C1orf21: variants seen among roughly 807,000 people sequenced by gnomAD.
The protein encoded by C1orf21 is chromosome 1 open reading frame 21, also known as uncharacterized protein C1orf21.
Under a neutral mutation model 18.7 loss-of-function variants are expected in C1orf21, and 3 were observed. That is an observed-to-expected ratio of 0.16 (90% CI 0.07 to 0.42). The LOEUF is 0.42. C1orf21 is among the 10% of genes least tolerant of loss of function. The probability of loss-of-function intolerance (pLI) is 0.99; values close to 1 mark genes in which losing one functional copy is unlikely to be tolerated. For missense variants in C1orf21, 104 were observed against 143.6 expected (o/e 0.72, Z 1.41); for synonymous variants, 41 against 46.4 (o/e 0.88, Z 0.47).
chr1:184,545,610 C>T (rs1658717352), intron 3 of C1orf21, among the ~76,000 whole-genome samples: 1 of 152,074 alleles, frequency 6.6e-6, no homozygotes, highest in African/African-American at 2.4e-5. Context: ...CGGGCCATAA[C>T]TACTCCTATG....
At chr1:184,490,824 G>A (rs1295198608) in intron 2 of C1orf21, among the ~76,000 whole-genome samples, 3 of 151,914 alleles carry the variant, frequency 2.0e-5, no homozygotes, top group African/African-American at 7.3e-5. Context: ...TTACCAGGAA[G>A]GGTTAGTAAT....
rs76936480 is a variant in C1orf21, at chr1:184,596,082, G to A, written c.267-2319G>A. 6.3e-3 allele frequency among the ~76,000 whole-genome samples: 963 copies of A among 152,316 alleles called. 6 individuals are homozygous for A. Among genetic ancestry groups the A allele is most frequent in the South Asian group, 0.011 (52 of 4,826 alleles). On this transcript the variant is annotated intron_variant, in intron 4 of 5. Transcript: ENST00000235307. ...CCGACCCTGTGATAAGTGCATTCTT[G>A]ATCGCAGAGGTTGCAGATACATTTG...
At chr1:184,519,144 G>C (rs1217696081) in intron 3 of C1orf21, among the ~76,000 whole-genome samples, 1 of 152,208 alleles carries the variant, frequency 6.6e-6, no homozygotes, top group East Asian at 1.9e-4. Flanking sequence ...CTAATTTAAA[G>C]ATTGGGGTGT....
At chr1:184,534,830 A>G (rs1173961668) in intron 3 of C1orf21, among the ~76,000 whole-genome samples, 1 of 152,052 alleles carries the variant, frequency 6.6e-6, no homozygotes, top group Non-Finnish European at 1.5e-5. Flanking sequence ...TGGGAGTAGG[A>G]GAGAGGGCAG....
At chr1:184,488,086 T>C (rs1657758501) in intron 2 of C1orf21, among the ~76,000 whole-genome samples, 1 of 152,222 alleles carries the variant, frequency 6.6e-6, no homozygotes, top group Non-Finnish European at 1.5e-5. Flanking sequence ...TCTCTAAACT[T>C]AAAAGATGAT....
intron 1 of C1orf21, among the ~76,000 whole-genome samples, chr1:184,428,443 G>A (rs937049413): frequency 1.3e-5 from 2 of 152,220 alleles, no homozygotes; most frequent in Non-Finnish European, 2.9e-5. Flanking sequence ...TGGTCTACCA[G>A]GTAATTTGCA....
At chr1:184,464,594 C>T (rs777836428) in intron 1 of C1orf21, among the ~76,000 whole-genome samples, 2 of 152,152 alleles carry the variant, frequency 1.3e-5, no homozygotes, top group Non-Finnish European at 2.9e-5. Context: ...GCCCTCAAAG[C>T]GCTTAGTATC....
chr1:184,392,661 C>A (rs1267259342), intron 1 of C1orf21, among the ~76,000 whole-genome samples: 2 of 152,136 alleles, frequency 1.3e-5, no homozygotes, highest in African/African-American at 2.4e-5. Flanking sequence ...CTCAGGCTCC[C>A]AGCATCCAGT....
intron 5 of C1orf21, among the ~76,000 whole-genome samples, chr1:184,602,504 C>G (rs1320464719): frequency 1.3e-5 from 2 of 152,160 alleles, no homozygotes. Context: ...ACTATTGTAA[C>G]TCATGATTCA....
chr1:184,515,429 T>G (rs1337009693), intron 3 of C1orf21, among the ~76,000 whole-genome samples: 1 of 152,210 alleles, frequency 6.6e-6, no homozygotes, highest in Non-Finnish European at 1.5e-5. Flanking sequence ...TGAAGTCTGA[T>G]TAACAGATTA....
intron 1 of C1orf21, among the ~76,000 whole-genome samples, chr1:184,416,007 T>C (rs1341354675): frequency 8.2e-6 from 1 of 122,612 alleles, no homozygotes; most frequent in Non-Finnish European, 1.6e-5. Context: ...TGAAAACAAT[T>C]TGGATAACAT....
chr1:184,577,941 TG>T (rs1484132505), intron 3 of C1orf21, among the ~76,000 whole-genome samples: 22 of 131,522 alleles, frequency 1.7e-4, no homozygotes, highest in African/African-American at 6.8e-4. Flanking sequence ...GTTTGTTTTT[TG>T]TTTTGTTTTT....
intron 3 of C1orf21, among the ~76,000 whole-genome samples, chr1:184,527,883 TA>T (rs1171368150): frequency 6.6e-6 from 1 of 152,204 alleles, no homozygotes; most frequent in African/African-American, 2.4e-5. Context: ...AAACACTTAA[TA>T]AATGTTAGCA....
At chr1:184,408,131 A>G (rs1230722990) in intron 1 of C1orf21, among the ~76,000 whole-genome samples, 1 of 152,252 alleles carries the variant, frequency 6.6e-6, no homozygotes, top group Non-Finnish European at 1.5e-5. Context: ...TGGAGAATTA[A>G]TAACTCAATA....
intron 3 of C1orf21, among the ~76,000 whole-genome samples, chr1:184,524,365 A>C (rs1241893673): frequency 6.6e-6 from 1 of 152,188 alleles, no homozygotes. Flanking sequence ...AAACTATAAG[A>C]CTGGGTACCT....
At chr1:184,591,004 T>G (rs998810687) in intron 4 of C1orf21, among the ~76,000 whole-genome samples, 189 bp downstream of exon 4, 1 of 152,190 alleles carries the variant, frequency 6.6e-6, no homozygotes, top group Non-Finnish European at 1.5e-5. Flanking sequence ...AAGTGATGTG[T>G]AGGCACTTCA....
chr1:184,619,459 A>G (rs1659882029), intron 5 of C1orf21, 59 bp from the exon 6 acceptor site: 9 of 1,561,968 alleles, frequency 5.8e-6, no homozygotes, highest in African/African-American at 1.4e-5. Flanking sequence ...ACAAGTAACT[A>G]TTTCAGGCTC....
intron 3 of C1orf21, among the ~76,000 whole-genome samples, chr1:184,563,585 G>A (rs1292469931): frequency 6.6e-6 from 1 of 152,180 alleles, no homozygotes; most frequent in Non-Finnish European, 1.5e-5. Context: ...CTAGTTACAT[G>A]GGCACCTTCT....
chr1:184,597,834 C>T (rs1571295838), intron 4 of C1orf21, among the ~76,000 whole-genome samples: 1 of 152,196 alleles, frequency 6.6e-6, no homozygotes. Context: ...CGTCCTCCCA[C>T]GTTCCAGTGG....
Sources: gnomAD v4.1 joint callset for allele counts (sites outside exome capture counted in the v4.1 genomes callset) on GRCh38, gnomAD v4.1.1 for gene constraint, MANE v1.5 for transcripts, NCBI Gene and HGNC (gene_info 2026-07-23, HGNC 2026-07-21) for gene names.